The following ELAVL4 variants were observed in gnomAD, a reference collection of about 807,000 sequenced individuals.
The protein encoded by ELAVL4 is ELAV like RNA binding protein 4.
ELAVL4 carries 1 observed loss-of-function variant against 35.6 expected under a neutral mutation model. The observed-to-expected ratio is 0.03, with a 90% confidence interval of 0.01 to 0.13. The LOEUF is 0.13. ELAVL4 is among the 10% of genes least tolerant of loss of function. ELAVL4 has a pLI of 1.00. For synonymous variants in ELAVL4, 156 were observed against 171.0 expected (o/e 0.91, Z 0.69); for missense variants, 267 against 464.9 (o/e 0.57, Z 3.91).
chr1:50,151,610 C>T (rs1329836590), intron 2 of ELAVL4, among the ~76,000 whole-genome samples: 1 of 152,038 alleles, frequency 6.6e-6, no homozygotes, highest in African/African-American at 2.4e-5. Context: ...GCACATAAGA[C>T]GGAAAGTGAT....
At chr1:50,192,515 GCACGCACACACACACA>G (rs1426709501) in intron 3 of ELAVL4, among the ~76,000 whole-genome samples, 1 of 80,246 alleles carries the variant, frequency 1.2e-5, no homozygotes, top group African/African-American at 4.4e-5. Flanking sequence ...GCTTTTGTGT[GCACGCACACACACACA>G]CACACACACA....
At chr1:50,085,536 G>A (rs1665202695) in intron 1 of ELAVL4, among the ~76,000 whole-genome samples, 1 of 152,158 alleles carries the variant, frequency 6.6e-6, no homozygotes, top group African/African-American at 2.4e-5. Context: ...TAGGCCTAGA[G>A]GTAGCCATTG....
intron 3 of ELAVL4, among the ~76,000 whole-genome samples, chr1:50,186,421 A>T (rs1448016259): frequency 6.6e-6 from 1 of 152,156 alleles, no homozygotes; most frequent in South Asian, 2.1e-4. Context: ...AGTGCCTGGG[A>T]TCTGGGATCA....
intron 1 of ELAVL4, among the ~76,000 whole-genome samples, chr1:50,066,501 C>T (rs1469506086): frequency 6.6e-6 from 1 of 152,130 alleles, no homozygotes; most frequent in African/African-American, 2.4e-5. Flanking sequence ...CTTTGTTTTT[C>T]CATGTCTAAC....
Position 50,059,420 on chromosome 1 carries a change from A to G in ELAVL4, c.18+11238A>G, listed in dbSNP as rs969881511. Among the ~76,000 whole-genome samples, 4 of 152,166 alleles carry G rather than the reference A, an allele frequency of 2.6e-5. No homozygotes were observed. The East Asian group carries it at 7.7e-4, about 29-fold the overall frequency. ...ACTGAAATTTGGATCCCTGATTGTT[A>G]TTTAAAATGTTAAGAAATAGCCAGC... On this transcript the variant is annotated intron_variant, in intron 1 of 6. Coordinates refer to the ELAVL4 transcript ENST00000448907.
At chr1:50,095,567 C>G (rs1381730673) in intron 1 of ELAVL4, among the ~76,000 whole-genome samples, 1 of 152,140 alleles carries the variant, frequency 6.6e-6, no homozygotes. Flanking sequence ...CACACACACA[C>G]ATACAGCCAC....
At chr1:50,052,961 ACATTGCAACTGCTAC>A (rs1329599230) in intron 1 of ELAVL4, among the ~76,000 whole-genome samples, 2 of 152,256 alleles carry the variant, frequency 1.3e-5, no homozygotes, top group African/African-American at 4.8e-5. Context: ...GCTAGTGTTG[ACATTGCAACTGCTAC>A]GGAGTTCCCA....
intron 2 of ELAVL4, among the ~76,000 whole-genome samples, chr1:50,157,256 C>G (rs1437413846): frequency 6.6e-6 from 1 of 152,134 alleles, no homozygotes; most frequent in African/African-American, 2.4e-5. Flanking sequence ...TTCTGTGCCT[C>G]AGGTTGTTGT....
chr1:50,104,006 T>G (rs1485436124), upstream of ELAVL4: 13 of 1,613,714 alleles, frequency 8.1e-6, no homozygotes, highest in Non-Finnish European at 1.1e-5. Flanking sequence ...AACAGGTCTG[T>G]TTAGCCACAT....
intron 3 of ELAVL4, among the ~76,000 whole-genome samples, chr1:50,186,697 G>C (rs140407113): frequency 6.6e-6 from 1 of 152,184 alleles, no homozygotes; most frequent in Non-Finnish European, 1.5e-5. Flanking sequence ...GGAGCATAGG[G>C]TGCATGAAGG....
rs572635181 is a variant in ELAVL4 at position 50,164,579 on chromosome 1, T to A, written c.251-12510T>A. ...GGGAAGCCTAGGTGGAAGGATTGCT[T>A]GAGGCCAGGAGTTCAAGACCAGTCT... On this transcript the variant is annotated intron_variant, in intron 2 of 6. Coordinates refer to ENST00000371824, the MANE Select transcript of ELAVL4 (RefSeq NM_001144774.3). Among the ~76,000 whole-genome samples, 10 of 152,304 alleles carry A rather than the reference T, an allele frequency of 6.6e-5. No individual in the cohort carries two copies. The East Asian group carries it at 1.9e-3, about 29-fold the overall frequency.
At chr1:50,085,717 C>T (rs1347907649) in intron 1 of ELAVL4, among the ~76,000 whole-genome samples, 1 of 152,158 alleles carries the variant, frequency 6.6e-6, no homozygotes, top group East Asian at 1.9e-4. Flanking sequence ...CATTTTTATT[C>T]AGATATCTAA....
At chr1:50,165,727 T>C (rs1677724802) in intron 2 of ELAVL4, among the ~76,000 whole-genome samples, 2 of 144,100 alleles carry the variant, frequency 1.4e-5, no homozygotes, top group African/African-American at 2.5e-5. Context: ...TGTATATACA[T>C]GTATATGTGT....
intron 1 of ELAVL4, among the ~76,000 whole-genome samples, chr1:50,056,737 T>C (rs1177657467): frequency 6.6e-6 from 1 of 152,124 alleles, no homozygotes; most frequent in Non-Finnish European, 1.5e-5. Flanking sequence ...ATCGAGACCA[T>C]CCTGGCTAAC....
upstream of ELAVL4, among the ~76,000 whole-genome samples, chr1:50,103,244 A>C (rs1666081696): frequency 6.6e-6 from 1 of 152,176 alleles, no homozygotes; most frequent in Non-Finnish European, 1.5e-5. Context: ...GCTTTCCCAC[A>C]ATCTGTAGTA....
chr1:50,180,936 T>C (rs1295331562), intron 3 of ELAVL4: 1 of 152,210 alleles, frequency 6.6e-6, no homozygotes, highest in Admixed American at 6.5e-5. Flanking sequence ...CCCTTTTACA[T>C]GCTTAATATC....
intron 3 of ELAVL4, among the ~76,000 whole-genome samples, chr1:50,185,931 G>A (rs568741155): frequency 1.3e-5 from 2 of 152,024 alleles, no homozygotes; most frequent in Non-Finnish European, 2.9e-5. Flanking sequence ...ACTGAATCTG[G>A]GGCCCTGAGC....
chr1:50,142,478 C>T (rs1264992781), intron 1 of ELAVL4, among the ~76,000 whole-genome samples: 1 of 152,192 alleles, frequency 6.6e-6, no homozygotes, highest in Non-Finnish European at 1.5e-5. Context: ...GTTGGGATTA[C>T]AGGTGTGAGC....
At chr1:50,173,545 C>G (rs1309044457) in intron 2 of ELAVL4, among the ~76,000 whole-genome samples, 1 of 152,210 alleles carries the variant, frequency 6.6e-6, no homozygotes, top group Admixed American at 6.5e-5. Context: ...TTATTAGGGA[C>G]TGGTCACAGT....
Sources: allele counts gnomAD v4.1 joint callset (sites outside exome capture counted in the v4.1 genomes callset), GRCh38; gene constraint gnomAD v4.1.1; transcripts MANE v1.5; gene names NCBI Gene and HGNC (gene_info 2026-07-23, HGNC 2026-07-21).